Variants in RAPGEF2 observed in about 807,000 individuals in gnomAD.
RAPGEF2 encodes the protein PDZ domain containing guanine nucleotide exchange factor (GEF) 1.
RAPGEF2 carries 54 observed loss-of-function variants against 186.7 expected under a neutral mutation model. The ratio of observed to expected loss-of-function variants is 0.29; its 90% CI spans 0.23 to 0.36. The LOEUF is 0.36. RAPGEF2 is among the 10% of genes least tolerant of loss of function. RAPGEF2 has a pLI of 1.00. For missense variants in RAPGEF2, 1,532 were observed against 2,045.0 expected (o/e 0.75, Z 4.84); for synonymous variants, 712 against 705.9 (o/e 1.01, Z -0.14).
intron 10 of RAPGEF2, among the ~76,000 whole-genome samples, chr4:159,322,819 C>T (rs1018282104): frequency 5.3e-5 from 8 of 152,084 alleles, no homozygotes; most frequent in Non-Finnish European, 1.2e-4. Context: ...AGCAGAGACC[C>T]CTGATAAAAC....
intron 4 of RAPGEF2, chr4:159,228,163 G>A (rs1365673711): frequency 6.6e-6 from 1 of 152,272 alleles, no homozygotes; most frequent in African/African-American, 2.4e-5. Flanking sequence ...GGAGAGGTGG[G>A]TGGGTCATTG....
At chr4:159,106,736 A>C (rs567918466) in intron 1 of RAPGEF2, among the ~76,000 whole-genome samples, 2 of 152,306 alleles carry the variant, frequency 1.3e-5, no homozygotes, top group South Asian at 4.1e-4. Context: ...TTGTTTTTTA[A>C]AGGCTTGCTG....
intron 7 of RAPGEF2, among the ~76,000 whole-genome samples, chr4:159,300,364 A>G (rs4389535): frequency 0.092 from 13,996 of 151,726 alleles, 2,145 homozygotes; most frequent in African/African-American, 0.32. Flanking sequence ...ATTGTCATTC[A>G]CAGGTGGTGT....
At chr4:159,230,445 A>G (rs1427974436) in intron 4 of RAPGEF2, among the ~76,000 whole-genome samples, 1 of 152,234 alleles carries the variant, frequency 6.6e-6, no homozygotes, top group Admixed American at 6.5e-5. Context: ...CTTTTGAAAG[A>G]TATATAATTC....
At chr4:159,231,436 C>A (rs1022947232) in intron 4 of RAPGEF2, among the ~76,000 whole-genome samples, 1 of 151,690 alleles carries the variant, frequency 6.6e-6, no homozygotes, top group Admixed American at 6.6e-5. Flanking sequence ...CATTATATGT[C>A]AAATTTAAAC....
At chr4:159,270,209 T>C (rs1757954878) in intron 7 of RAPGEF2, among the ~76,000 whole-genome samples, 2 of 152,218 alleles carry the variant, frequency 1.3e-5, no homozygotes, top group African/African-American at 4.8e-5. Flanking sequence ...GGCTGTATAA[T>C]TGTTGACTAG....
At chr4:159,220,024 G>A (rs939290893) in intron 4 of RAPGEF2, among the ~76,000 whole-genome samples, 6 of 152,126 alleles carry the variant, frequency 3.9e-5, no homozygotes, top group African/African-American at 1.4e-4. Context: ...AGTGCTGCAG[G>A]GACATTCAGT....
intron 1 of RAPGEF2, among the ~76,000 whole-genome samples, chr4:159,149,620 T>A (rs1189329788): frequency 6.6e-6 from 1 of 152,188 alleles, no homozygotes; most frequent in Non-Finnish European, 1.5e-5. Flanking sequence ...CTCCCTTTTT[T>A]AAAATAAGAG....
intron 7 of RAPGEF2, among the ~76,000 whole-genome samples, chr4:159,246,170 T>C (rs182596799): frequency 1.2e-3 from 183 of 152,300 alleles, no homozygotes; most frequent in African/African-American, 4.2e-3. Flanking sequence ...GAATATACAC[T>C]GCAGAGTACT....
At position 159,241,188 on chromosome 4, in the gene RAPGEF2, G is replaced by T. The variant is rs777531941; in HGVS notation, c.358-13G>T. On this transcript the variant is annotated splice_polypyrimidine_tract_variant and intron_variant, in intron 5 of 29. Coordinates refer to ENST00000691494, the MANE Select transcript of RAPGEF2 (RefSeq NM_001394067.2). ...TGTTTGGAGAAATGAAATTTTGGGG[G>T]GTTTTATTTCAGGTGGACTATATGG... 28 of 1,479,758 alleles carry T rather than the reference G, an allele frequency of 1.9e-5. No homozygotes were observed. The Admixed American group carries it at 5.4e-4, about 29-fold the overall frequency. The allele number at this position is 1,479,758 out of a possible 1,614,324, so 91.7% of individuals were successfully genotyped here. A position where few individuals can be genotyped will look rare whatever the true frequency, so the allele number is the denominator to read the frequency against.
At chr4:159,180,418 C>T (rs999701600) in intron 1 of RAPGEF2, among the ~76,000 whole-genome samples, 8 of 152,140 alleles carry the variant, frequency 5.3e-5, no homozygotes, top group African/African-American at 1.7e-4. Flanking sequence ...TTGCCTGCCA[C>T]TCCTGTTAAT....
At chr4:159,348,572 T>G (rs1730730709) in intron 25 of RAPGEF2, among the ~76,000 whole-genome samples, 1 of 152,216 alleles carries the variant, frequency 6.6e-6, no homozygotes, top group Non-Finnish European at 1.5e-5. Context: ...AATTATGTGT[T>G]TCTTTATATA....
intron 11 of RAPGEF2, chr4:159,327,785 A>G (rs1469400047): frequency 6.6e-6 from 1 of 152,180 alleles, no homozygotes; most frequent in Non-Finnish European, 1.5e-5. Context: ...TAAAAAAGAT[A>G]AATATTTTCA....
At position 159,332,642 on chromosome 4, in the gene RAPGEF2, C is replaced by G; in HGVS notation, c.2080C>G (p.Leu694Val). 6.2e-7 allele frequency: 1 copy of G among 1,614,062 alleles called. No homozygotes were observed. Among genetic ancestry groups the G allele is most frequent in the Non-Finnish European group, 8.5e-7 (1 of 1,179,974 alleles). The change falls in exon 17 of 30, where the codon CTG becomes GTG. Residue 694 changes from leucine to valine, a missense_variant. Around this residue, in one of 4 missense-constraint regions of RAPGEF2, gnomAD observed 810 missense variants for 1,210.5 expected, o/e 0.67. Transcript: ENST00000691494. ...CAACACTGTGGGAGGAAGGAACAAG[C>G]TGAAAAAGATACTCGACAAGACTCG... ...KANTVGGRNK[L>V]KKILDKTRIS...
intron 5 of RAPGEF2, among the ~76,000 whole-genome samples, chr4:159,239,826 T>TG (rs1753744015): frequency 6.6e-6 from 1 of 152,232 alleles, no homozygotes; most frequent in East Asian, 1.9e-4. Context: ...AAGATGATGA[T>TG]GGAAACTTTT....
At chr4:159,306,736 CT>C (rs763590757) in intron 8 of RAPGEF2, among the ~76,000 whole-genome samples, 2 of 152,102 alleles carry the variant, frequency 1.3e-5, no homozygotes, top group Non-Finnish European at 2.9e-5. Context: ...CAACTTTTCC[CT>C]GTTCAGTAAG....
At chr4:159,355,703 C>A in intron 28 of RAPGEF2, 150 bp from the exon 29 acceptor site, 1 of 707,838 alleles carries the variant, frequency 1.4e-6, no homozygotes, top group Admixed American at 2.9e-5. Flanking sequence ...CATTCCCTGG[C>A]CTGCCTCACA....
Position 159,329,860 on chromosome 4 carries a change from T to C in RAPGEF2, c.1152T>C (p.Phe384=), listed in dbSNP as rs1294009319. The C allele has an allele frequency of 1.2e-6, 2 of 1,609,582 alleles. No individual in the cohort carries two copies. Among genetic ancestry groups the C allele is most frequent in the South Asian group, 1.1e-5 (1 of 90,548 alleles). Residue 384 remains phenylalanine (F), a splice_region_variant and synonymous_variant, in exon 12 of 30, where the codon TTT becomes TTC. Transcript: ENST00000691494. The part of the protein sequence containing the change: ...VMRTKVDDCQ[F]VCIAQQDYCR... The stretch of plus-strand genomic sequence containing the variant: ...ATGTGACTTATGTTTTATTCCAGTT[T>C]GTCTGCATAGCCCAGCAAGATTACT...
intron 3 of RAPGEF2, among the ~76,000 whole-genome samples, chr4:159,209,021 G>A (rs1750241250): frequency 6.6e-6 from 1 of 151,960 alleles, no homozygotes; most frequent in African/African-American, 2.4e-5. Context: ...CTCCCAAGTA[G>A]CCGGGATTAT....
Sources: gnomAD v4.1 joint callset for allele counts (sites outside exome capture counted in the v4.1 genomes callset) on GRCh38, gnomAD v4.1.1 for gene constraint, gnomAD v4.1.1 regional missense constraint, MANE v1.5 for transcripts, NCBI Gene and HGNC (gene_info 2026-07-23, HGNC 2026-07-21) for gene names.